CNBD1: variants seen among roughly 807,000 people sequenced by gnomAD.
CNBD1 encodes cyclic nucleotide binding domain containing 1.
In CNBD1, 71 loss-of-function variants were observed where a neutral mutation model predicts 54.4. The observed-to-expected ratio is 1.30, with a 90% CI of 1.08 to 1.59. CNBD1 has a LOEUF of 1.59. CNBD1 is among the 40% of genes most tolerant of loss of function. The probability of loss-of-function intolerance (pLI) is 0.00; values close to 1 mark genes in which losing one functional copy is unlikely to be tolerated. For missense variants in CNBD1, 659 were observed against 518.0 expected, an observed-to-expected ratio of 1.27 and a Z score of -2.64; for synonymous variants, 182 against 170.7, an observed-to-expected ratio of 1.07 and a Z score of -0.51.
intron 4 of CNBD1, among the ~76,000 whole-genome samples, chr8:87,116,733 A>G (rs923408108): frequency 6.6e-6 from 1 of 152,148 alleles, no homozygotes; most frequent in Non-Finnish European, 1.5e-5. Context: ...AGAGGATGAT[A>G]TTTGAGATTT....
At chr8:87,165,521 T>TG (rs1248396485) in intron 4 of CNBD1, among the ~76,000 whole-genome samples, 1 of 152,022 alleles carries the variant, frequency 6.6e-6, no homozygotes, top group African/African-American at 2.4e-5. Context: ...TTGTCTCTTG[T>TG]GACAGTTTCT....
intron 4 of CNBD1, among the ~76,000 whole-genome samples, chr8:87,073,805 TA>T (rs1810808462): frequency 6.6e-6 from 1 of 151,952 alleles, no homozygotes. Flanking sequence ...GGGACCTTCC[TA>T]AAGAAGCAGT....
At chr8:87,309,580 A>G (rs1809222976) in intron 8 of CNBD1, among the ~76,000 whole-genome samples, 1 of 152,130 alleles carries the variant, frequency 6.6e-6, no homozygotes, top group Non-Finnish European at 1.5e-5. Flanking sequence ...GACTTACGAT[A>G]AGAAAAGTTT....
chr8:86,940,948 G>T (rs941693858), intron 4 of CNBD1, among the ~76,000 whole-genome samples: 5 of 152,288 alleles, frequency 3.3e-5, no homozygotes, highest in Middle Eastern at 6.8e-3. Flanking sequence ...TATACCAGCT[G>T]GCCTAGGTGT....
At chr8:87,253,513 C>T (rs1010617581) in intron 6 of CNBD1, among the ~76,000 whole-genome samples, 1 of 152,214 alleles carries the variant, frequency 6.6e-6, no homozygotes, top group East Asian at 1.9e-4. Context: ...GCCCTTAGCC[C>T]CAGGATATTC....
At chr8:87,029,250 A>G (rs1443369811) in intron 4 of CNBD1, among the ~76,000 whole-genome samples, 12 of 152,186 alleles carry the variant, frequency 7.9e-5, no homozygotes. Context: ...CTTTCAGACC[A>G]ATATACGTGA....
chr8:87,329,013 C>G lies in CNBD1; in HGVS notation c.1043-22672C>G, dbSNP rs144033420. ...TCTATCTTCTAGGAGTTATTCCTTC[C>G]TAGGAGTTTTATACTTTTCTCCTAG... On this transcript the variant is annotated intron_variant, in intron 8 of 10. Transcript: ENST00000518476. Among the ~76,000 whole-genome samples, 430 of 151,820 alleles carry G rather than the reference C, an allele frequency of 2.8e-3. 4 individuals carry two copies. The highest frequency in any genetic ancestry group is 9.3e-3 in the African/African-American group (385 of 41,462).
chr8:87,385,083 A>G (rs1237613360), downstream of CNBD1, among the ~76,000 whole-genome samples: 2 of 152,186 alleles, frequency 1.3e-5, no homozygotes, highest in East Asian at 3.9e-4. Flanking sequence ...ACAAGGACTG[A>G]AGTGAGATCA....
intron 8 of CNBD1, among the ~76,000 whole-genome samples, chr8:87,293,695 TATG>T (rs1456660179): frequency 1.3e-5 from 2 of 152,226 alleles, no homozygotes; most frequent in South Asian, 2.1e-4. Context: ...TAGATCAAAA[TATG>T]ATGTCTTAAA....
chr8:87,342,143 G>A (rs1313214257), intron 8 of CNBD1, among the ~76,000 whole-genome samples: 7 of 152,078 alleles, frequency 4.6e-5, no homozygotes, highest in Admixed American at 4.6e-4. Context: ...CATGGTGGCA[G>A]GCATCTGTAG....
chr8:87,190,493 C>A (rs1459992027), intron 4 of CNBD1, among the ~76,000 whole-genome samples: 2 of 151,980 alleles, frequency 1.3e-5, no homozygotes, highest in Non-Finnish European at 2.9e-5. Flanking sequence ...TCTTTTTTGT[C>A]CATTACTACC....
At chr8:87,419,749 C>T (rs1297536346) in intron 2 of CNBD1, among the ~76,000 whole-genome samples, 3 of 151,672 alleles carry the variant, frequency 2.0e-5, no homozygotes, top group Non-Finnish European at 4.4e-5. Context: ...CCACAAATGC[C>T]AATTCACTTT....
At chr8:87,371,777 A>G (rs914822092) in intron 10 of CNBD1, among the ~76,000 whole-genome samples, 4 of 152,042 alleles carry the variant, frequency 2.6e-5, no homozygotes, top group Non-Finnish European at 5.9e-5. Flanking sequence ...GCCTTTGACA[A>G]AATTCAACAA....
Position 86,878,441 on chromosome 8 carries a change from T to A in CNBD1, c.89-9101T>A, listed in dbSNP as rs147547144. ...CCCTAAACAATATGCTCCTAATTTGTGCTGTCATCGTTTAAATTCCAAAGG... is the reference window on the plus strand; with the variant it reads ...CCCTAAACAATATGCTCCTAATTTGAGCTGTCATCGTTTAAATTCCAAAGG... On this transcript the variant is annotated intron_variant, in intron 1 of 10. Coordinates refer to ENST00000518476, the MANE Select transcript of CNBD1 (RefSeq NM_173538.3). Among the ~76,000 whole-genome samples the A allele has an allele frequency of 4.6e-5, 7 of 152,244 alleles. No individual in the cohort carries two copies. The East Asian group carries it at 1.2e-3, about 25-fold the overall frequency.
intron 2 of CNBD1, among the ~76,000 whole-genome samples, chr8:87,426,241 C>T (rs1808047811): frequency 6.6e-6 from 1 of 152,190 alleles, no homozygotes; most frequent in Non-Finnish European, 1.5e-5. Context: ...TGAGATGAAC[C>T]CGGTACCTCA....
chr8:87,395,201 G>C (rs570227394), intron 2 of CNBD1, among the ~76,000 whole-genome samples: 2 of 151,742 alleles, frequency 1.3e-5, no homozygotes, highest in Non-Finnish European at 2.9e-5. Context: ...CCACTTTTGC[G>C]TTATGTATTT....
At chr8:87,201,783 A>T (rs911968425) in intron 4 of CNBD1, among the ~76,000 whole-genome samples, 3 of 152,076 alleles carry the variant, frequency 2.0e-5, no homozygotes, top group African/African-American at 7.2e-5. Context: ...ATTTTTTGAG[A>T]TGCAGTCTCA....
intron 4 of CNBD1, among the ~76,000 whole-genome samples, chr8:86,943,902 G>A (rs1807397876): frequency 6.6e-6 from 1 of 151,920 alleles, no homozygotes; most frequent in Non-Finnish European, 1.5e-5. Context: ...AAACTCTAAG[G>A]CAACTCTGGA....
At chr8:86,952,837 T>G (rs1807661231) in intron 4 of CNBD1, among the ~76,000 whole-genome samples, 1 of 152,158 alleles carries the variant, frequency 6.6e-6, no homozygotes, top group Non-Finnish European at 1.5e-5. Context: ...CCCAAGAGTT[T>G]CCTTGCAACT....
Sources: gnomAD v4.1 joint callset for allele counts (sites outside exome capture counted in the v4.1 genomes callset) on GRCh38, gnomAD v4.1.1 for gene constraint, MANE v1.5 for transcripts, NCBI Gene and HGNC (gene_info 2026-07-23, HGNC 2026-07-21) for gene names.